IGFBP4: variants seen among roughly 807,000 people sequenced by gnomAD.
IGFBP4 encodes insulin-like growth factor-binding protein 4.
In IGFBP4, 9 loss-of-function variants were observed where a neutral mutation model predicts 25.8. The ratio of observed to expected loss-of-function variants is 0.35; its 90% confidence interval spans 0.21 to 0.61. The LOEUF (loss-of-function observed/expected upper bound fraction) is 0.61. IGFBP4 is among the 20% of genes least tolerant of loss of function. The pLI is 0.77. For missense variants in IGFBP4, 315 were observed against 365.3 expected (o/e 0.86, Z 1.12); for synonymous variants, 153 against 153.9 (o/e 0.99, Z 0.05).
chr17:40,453,118 G>C lies in IGFBP4; in HGVS notation c.483G>C (p.Ala161=). 1 of 1,580,040 alleles carries C rather than the reference G, an allele frequency of 6.3e-7. No individual in the cohort carries two copies. Among genetic ancestry groups the C allele is most frequent in the Middle Eastern group, 1.7e-4 (1 of 5,964 alleles). The change falls in exon 2 of 4, where the codon GCG becomes GCC. Residue 161 remains alanine (A), a synonymous_variant. Transcript: ENST00000269593. The surrounding 1 kb of genome is among the most constrained non-coding windows in gnomAD (Gnocchi z 4.0). ...GGGGCAAGATGAAGGTCAATGGGGC[G>C]CCCCGGGAGGATGCCCGGCCTGTGG... is the stretch of plus-strand genomic sequence containing the variant. ...TSGGKMKVNG[A]PREDARPVPQ... is the part of the protein sequence containing the mutation.
chr17:40,446,397 C>T (rs917445499), intron 1 of IGFBP4, among the ~76,000 whole-genome samples: 1 of 151,364 alleles, frequency 6.6e-6, no homozygotes, highest in African/African-American at 2.4e-5. Flanking sequence ...GGGTGAATCA[C>T]CTGAGGTCAG....
At chr17:40,455,214 T>C (rs1042081034) in intron 3 of IGFBP4, among the ~76,000 whole-genome samples, 1 of 152,240 alleles carries the variant, frequency 6.6e-6, no homozygotes, top group Non-Finnish European at 1.5e-5. Flanking sequence ...TTCCTCATTA[T>C]TAACATCTTA....
intron 1 of IGFBP4, among the ~76,000 whole-genome samples, chr17:40,446,666 G>A (rs2035647894): frequency 6.6e-6 from 1 of 152,136 alleles, no homozygotes; most frequent in Non-Finnish European, 1.5e-5. Flanking sequence ...GTCTTGGAAT[G>A]GGGTGGCTTT....
intron 1 of IGFBP4, among the ~76,000 whole-genome samples, chr17:40,449,576 A>G (rs1016164601): frequency 6.6e-6 from 1 of 152,072 alleles, no homozygotes; most frequent in Non-Finnish European, 1.5e-5. Context: ...GTGAAACTTC[A>G]TCTCTACTAA....
chr17:40,452,945 CT>C (rs752453779), intron 1 of IGFBP4, 39 bp from the exon 2 acceptor site: 166 of 1,431,296 alleles, frequency 1.2e-4, no homozygotes, highest in Middle Eastern at 9.3e-4. Context: ...GCTCTGACCT[CT>C]TCCGGTGCTG....
In IGFBP4 at chr17:40,453,216, ACGCACC is replaced by A; in HGVS notation, c.507+76_507+81del. 9.0e-7 allele frequency: 1 copy of A among 1,110,006 alleles called. No homozygotes were observed. The highest frequency in any genetic ancestry group is 1.2e-6 in the Non-Finnish European group (1 of 820,528). The allele number at this position is 1,110,006 out of a possible 1,614,324, so 68.8% of individuals were successfully genotyped here. ...CACATGCCCCCTGCCCCCCACATGC[ACGCACC>A]CACACACACCATCACCACCAGATCT... is the stretch of plus-strand genomic sequence containing the variant. On this transcript the variant is annotated intron_variant, in intron 2 of 3. Transcript: ENST00000269593. The surrounding 1 kb of genome is among the most constrained non-coding windows in gnomAD (Gnocchi z 4.0).
At chr17:40,444,884 A>ACACACAC (rs2035632456) in intron 1 of IGFBP4, among the ~76,000 whole-genome samples, 5 of 80,344 alleles carry the variant, frequency 6.2e-5, no homozygotes, top group East Asian at 3.7e-4. Flanking sequence ...GAGAGAGAGA[A>ACACACAC]ACACACACAC....
intron 1 of IGFBP4, among the ~76,000 whole-genome samples, chr17:40,445,097 C>T (rs1192814281): frequency 2.6e-5 from 4 of 152,008 alleles, no homozygotes; most frequent in African/African-American, 9.7e-5. Flanking sequence ...TTTTGTTCTT[C>T]CTGATTTGTC....
chr17:40,444,715 G>A (rs2035630587), intron 1 of IGFBP4, among the ~76,000 whole-genome samples: 1 of 152,074 alleles, frequency 6.6e-6, no homozygotes, highest in African/African-American at 2.4e-5. Flanking sequence ...TGCCTGCCCT[G>A]GTATACAGGC....
At chr17:40,454,216 C>CATTTTGGAGTG (rs1379579798) in intron 3 of IGFBP4, among the ~76,000 whole-genome samples, 154 bp downstream of exon 3, 3 of 152,246 alleles carry the variant, frequency 2.0e-5, no homozygotes, top group Non-Finnish European at 4.4e-5. Context: ...ACCTCAGCGT[C>CATTTTGGAGTG]AGAACCTCAC....
intron 1 of IGFBP4, among the ~76,000 whole-genome samples, chr17:40,445,759 C>T (rs2035641026): frequency 6.6e-6 from 1 of 152,102 alleles, no homozygotes; most frequent in Non-Finnish European, 1.5e-5. Flanking sequence ...AAGGGCCGAG[C>T]CCTTGGGTTC....
At chr17:40,444,936 G>C (rs11870553) in intron 1 of IGFBP4, among the ~76,000 whole-genome samples, 3,104 of 36,260 alleles carry the variant, frequency 0.086, 74 homozygotes, top group African/African-American at 0.15. Context: ...CAGAGACAGA[G>C]AGAGAGAGAG....
chr17:40,454,484 C>T (rs1462856312), intron 3 of IGFBP4, among the ~76,000 whole-genome samples: 2 of 152,122 alleles, frequency 1.3e-5, no homozygotes, highest in African/African-American at 4.8e-5. Flanking sequence ...AATGGAGGGC[C>T]AAAGTCATGA....
intron 1 of IGFBP4, among the ~76,000 whole-genome samples, chr17:40,450,725 A>G (rs904394509): frequency 1.9e-4 from 28 of 150,710 alleles, no homozygotes; most frequent in African/African-American, 5.1e-4. Flanking sequence ...GGGTCTTGCT[A>G]TGTTGCCCAG....
chr17:40,452,309 G>GA (rs2035688001), intron 1 of IGFBP4, among the ~76,000 whole-genome samples: 1 of 152,308 alleles, frequency 6.6e-6, no homozygotes, highest in African/African-American at 2.4e-5. Context: ...CGAGGTGGGG[G>GA]ACTGAAGGAA....
intron 1 of IGFBP4, among the ~76,000 whole-genome samples, chr17:40,448,120 C>T (rs923751075): frequency 1.2e-4 from 19 of 152,312 alleles, no homozygotes; most frequent in African/African-American, 4.6e-4. Flanking sequence ...AGGGAAAAGA[C>T]CTTTCTAGCA....
chr17:40,446,276 G>T (rs937584967), intron 1 of IGFBP4, among the ~76,000 whole-genome samples: 8 of 146,882 alleles, frequency 5.4e-5, no homozygotes, highest in African/African-American at 7.6e-5. Flanking sequence ...CTATGATCAC[G>T]TGATTGCACT....
In IGFBP4 at chr17:40,453,751, A is replaced by G. The variant is rs917606823; in HGVS notation, c.508-177A>G. Among the ~76,000 whole-genome samples, 6 of 148,728 alleles carry G rather than the reference A, an allele frequency of 4.0e-5. No individual in the cohort carries two copies. Among genetic ancestry groups the G allele is most frequent in the African/African-American group, 1.5e-4 (6 of 39,970 alleles). On this transcript the variant is annotated intron_variant, in intron 2 of 3. Coordinates refer to ENST00000269593, the MANE Select transcript of IGFBP4 (RefSeq NM_001552.3). The surrounding 1 kb of genome is among the most constrained non-coding windows in gnomAD (Gnocchi z 4.0). ...TCGAGACCCTTTCCTCCACGTCTCT[A>G]CCCTCCCAGTGTGTCCTCCAGACCC...
At chr17:40,448,633 G>C (rs2035664683) in intron 1 of IGFBP4, among the ~76,000 whole-genome samples, 1 of 152,220 alleles carries the variant, frequency 6.6e-6, no homozygotes, top group Non-Finnish European at 1.5e-5. Flanking sequence ...CAAGTATTTA[G>C]CCAGTTTTGG....
Sources: allele counts gnomAD v4.1 joint callset (sites outside exome capture counted in the v4.1 genomes callset), GRCh38; gene constraint gnomAD v4.1.1; non-coding constraint Gnocchi (gnomAD v3.1); transcripts MANE v1.5; gene names NCBI Gene and HGNC (gene_info 2026-07-23, HGNC 2026-07-21).